Variants in LIPE observed in about 807,000 individuals in gnomAD.
The protein encoded by LIPE is hormone-sensitive lipase.
In LIPE, 66 loss-of-function variants were observed where a neutral mutation model predicts 88.5. The observed-to-expected ratio is 0.75, with a 90% CI of 0.61 to 0.91. LIPE has a LOEUF of 0.91. LIPE is among the 40% of genes least tolerant of loss of function. The probability of loss-of-function intolerance (pLI) is 0.00; values close to 1 mark genes in which losing one functional copy is unlikely to be tolerated. For synonymous variants in LIPE, 570 were observed against 617.5 expected, an observed-to-expected ratio of 0.92 and a Z score of 1.14; for missense variants, 1,346 against 1,434.7, an observed-to-expected ratio of 0.94 and a Z score of 1.00.
At position 42,407,379 on chromosome 19, in the gene LIPE, C is replaced by A. The variant is rs533046875; in HGVS notation, c.1932G>T (p.Arg644=). Residue 644 remains arginine, a synonymous_variant, in exon 6 of 10, where the codon CGG becomes CGT. Transcript: ENST00000244289. This position sits in a 1 kb window ranked among gnomAD's most constrained non-coding sequence, Gnocchi z 5.8. ...CGCCGTGGAAGTGCACTATCAGGGA[C>A]CGCGAGCGGGGTGCCTGCTGGGGGC... ...WPRPQQAPRS[R]SLIVHFHGGG... is the part of the protein sequence containing the mutation. 2.5e-6 allele frequency: 4 copies of A among 1,613,594 alleles called. No homozygotes were observed. The East Asian group carries it at 8.9e-5, about 36-fold the overall frequency.
At chr19:42,424,387 C>T (rs770791356) in intron 1 of LIPE, 3 of 456,402 alleles carry the variant, frequency 6.6e-6, no homozygotes. Context: ...CACACGCACA[C>T]AGCCAACTGC....
intron 1 of LIPE, chr19:42,411,506 G>A (rs2040374240): frequency 6.1e-6 from 1 of 164,370 alleles, no homozygotes; most frequent in Admixed American, 6.5e-5. Context: ...CAACATTTGG[G>A]AGAGTTCAGC....
In LIPE at chr19:42,408,179, TG is replaced by T. The variant is rs2040250591; in HGVS notation, c.1510+52del. The T allele has an allele frequency of 6.2e-7, 1 of 1,613,028 alleles. No homozygotes were observed. The highest frequency in any genetic ancestry group is 1.3e-5 in the African/African-American group (1 of 74,574). On this transcript the variant is annotated intron_variant, in intron 3 of 9. Transcript: ENST00000244289. The surrounding 1 kb of genome is among the most constrained non-coding windows in gnomAD (Gnocchi z 4.3). ...GTGGGTCAGGCTGCTTGGGCAGGAG[TG>T]GGGAGGAGGGCCAAGAGAGTAGGCT...
chr19:42,416,120 A>G (rs1038326334), intron 1 of LIPE, among the ~76,000 whole-genome samples: 3 of 152,154 alleles, frequency 2.0e-5, no homozygotes, highest in East Asian at 3.9e-4. Context: ...AGGCAGGTGG[A>G]TCACCTGAGG....
chr19:42,422,213 G>A (rs565912703), intron 1 of LIPE, among the ~76,000 whole-genome samples: 1 of 152,230 alleles, frequency 6.6e-6, no homozygotes, highest in South Asian at 2.1e-4. Context: ...TGTGCCAAAC[G>A]CTCTACATTC....
Position 42,401,790 on chromosome 19 carries a change from C to A in LIPE, c.*22G>T. ...GGAAGGCATTCATGACGGAGGCCGG[C>A]GCAGATGGGAACAACAGGCTTTTAG... is the stretch of plus-strand genomic sequence containing the variant. On this transcript the variant is annotated 3_prime_UTR_variant, in exon 10 of 10. Transcript: ENST00000244289. The A allele has an allele frequency of 1.4e-6, 2 of 1,438,152 alleles. No homozygotes were observed. The highest frequency in any genetic ancestry group is 1.8e-6 in the Non-Finnish European group (2 of 1,094,276). The allele number at this position is 1,438,152 out of a possible 1,614,324, so 89.1% of individuals were successfully genotyped here.
Position 42,402,095 on chromosome 19 carries a change from G to C in LIPE, c.2968-20C>G. 6.9e-7 allele frequency: 1 copy of C among 1,456,122 alleles called. No individual in the cohort carries two copies. The highest frequency in any genetic ancestry group is 9.1e-7 in the Non-Finnish European group (1 of 1,100,926). 90.2% of individuals were successfully genotyped at this position (1,456,122 alleles called of 1,614,324 possible). The stretch of plus-strand genomic sequence containing the variant: ...GCACGCCTACGGGACAGCGGGGAGG[G>C]ACGTGGAGAGAGGGTGGGGGACAGA... On this transcript the variant is annotated intron_variant, in intron 9 of 9. Coordinates refer to ENST00000244289, the MANE Select transcript of LIPE (RefSeq NM_005357.4).
At position 42,403,039 on chromosome 19, in the gene LIPE, A is replaced by T. The variant is rs761851762; in HGVS notation, c.2543-8T>A. The T allele has an allele frequency of 2.0e-6, 3 of 1,536,240 alleles. 1 individual carries two copies. The South Asian group carries it at 3.6e-5, about 19-fold the overall frequency. On this transcript the variant is annotated splice_region_variant and splice_polypyrimidine_tract_variant and intron_variant, in intron 8 of 9. Transcript: ENST00000244289. ...CACTGCGGCGCATCGGCTCTGAGAGAGGGAGAGCAGATAGGCCTGGCTCCG... is the reference window on the plus strand; with the variant it reads ...CACTGCGGCGCATCGGCTCTGAGAGTGGGAGAGCAGATAGGCCTGGCTCCG...
intron 7 of LIPE, 189 bp downstream of exon 7, chr19:42,405,972 T>TCACACA: frequency 1.8e-6 from 1 of 563,044 alleles, no homozygotes; most frequent in Non-Finnish European, 3.1e-6. Context: ...TCTCTCTCTC[T>TCACACA]CTCTCACACA....
Position 42,426,740 on chromosome 19 carries a change from G to C in LIPE, c.410C>G (p.Ala137Gly), listed in dbSNP as rs1460406557. ...QEPALRQRHV[A>G]QPGPGPGEPP... Reference sequence around the variant, plus strand: ...CTCTCCTGGCCCAGGCCCTGGCTGGGCTACATGTCTTTGTCTCAATGCTGG... The same window carrying C: ...CTCTCCTGGCCCAGGCCCTGGCTGGCCTACATGTCTTTGTCTCAATGCTGG... Residue 137 changes from alanine to glycine, a missense_variant, in exon 1 of 10, where the codon GCC becomes GGC. Ala to Gly is a moderately conservative substitution (Grantham distance 60, BLOSUM62 0). Transcript: ENST00000244289. The C allele has an allele frequency of 6.2e-7, 1 of 1,614,228 alleles. No homozygotes were observed. The highest frequency in any genetic ancestry group is 8.5e-7 in the Non-Finnish European group (1 of 1,180,044).
At chr19:42,405,695 C>A (rs553416582) in intron 7 of LIPE, 134 bp from the exon 8 acceptor site, 1 of 854,912 alleles carries the variant, frequency 1.2e-6, no homozygotes, top group Non-Finnish European at 1.8e-6. Context: ...GGAGGCTGGG[C>A]GCAGTGGCTC....
At chr19:42,425,426 T>C (rs2040689639) in intron 1 of LIPE, among the ~76,000 whole-genome samples, 1 of 152,148 alleles carries the variant, frequency 6.6e-6, no homozygotes, top group South Asian at 2.1e-4. Context: ...AGACCCCGGC[T>C]TCAAATCCTG....
rs2040357583 is a variant in LIPE at position 42,410,925 on chromosome 19, A to G, written c.884-83T>C. ...GGCCCAGGAGTCTGGGCCATAGCTT[A>G]CCCACTCCTCCTTCAAACCTCAGTG... On this transcript the variant is annotated intron_variant, in intron 1 of 9. Coordinates refer to ENST00000244289, the MANE Select transcript of LIPE (RefSeq NM_005357.4). The surrounding 1 kb of genome is among the most constrained non-coding windows in gnomAD (Gnocchi z 6.1). The G allele has an allele frequency of 1.2e-5, 16 of 1,327,430 alleles. No homozygotes were observed. Among genetic ancestry groups the G allele is most frequent in the Non-Finnish European group, 1.6e-5 (16 of 976,628 alleles). The allele number at this position is 1,327,430 out of a possible 1,614,324, so 82.2% of individuals were successfully genotyped here.
Position 42,426,933 on chromosome 19 carries a change from T to G in LIPE, c.217A>C (p.Lys73Gln), listed in dbSNP as rs1201678980. ...GATTTTTGTTGGGCTCTAGGTTCCT[T>G]CTGGGATTCAGCATCATGTTGTGCA... ...TPAQHDAESQ[K>Q]EPRAQQKSAS... is the part of the protein sequence containing the mutation. The change falls in exon 1 of 10, where the codon AAG (lysine) becomes CAG (glutamine). Residue 73 changes from lysine to glutamine, a missense_variant. Coordinates refer to ENST00000244289, the MANE Select transcript of LIPE (RefSeq NM_005357.4). The G allele has an allele frequency of 6.2e-7, 1 of 1,614,178 alleles. No individual in the cohort carries two copies. The highest frequency in any genetic ancestry group is 2.2e-5 in the East Asian group (1 of 44,878).
chr19:42,414,311 AGAAAG>A lies in LIPE; in HGVS notation c.884-3474_884-3470del, dbSNP rs961805951. On this transcript the variant is annotated intron_variant, in intron 1 of 9. Coordinates refer to ENST00000244289, the MANE Select transcript of LIPE (RefSeq NM_005357.4). This position sits in a 1 kb window ranked among gnomAD's most constrained non-coding sequence, Gnocchi z 4.6. ...GAAAGAAAGGAAAGGAAGGAAAGAAAGAAAGGAAAGAAGAAAAGAAAAGGAAAGAA... is the reference window on the plus strand; with the variant it reads ...GAAAGAAAGGAAAGGAAGGAAAGAAAGAAAGAAGAAAAGAAAAGGAAAGAA... Among the ~76,000 whole-genome samples, 3 of 152,170 alleles carry A rather than the reference AGAAAG, an allele frequency of 2.0e-5. No homozygotes were observed. Among genetic ancestry groups the A allele is most frequent in the Admixed American group, 2.0e-4 (3 of 15,272 alleles).
intron 1 of LIPE, among the ~76,000 whole-genome samples, chr19:42,413,840 A>G (rs145208021): frequency 6.6e-6 from 1 of 152,190 alleles, no homozygotes; most frequent in Non-Finnish European, 1.5e-5. Flanking sequence ...CAGTGGATAT[A>G]TGAAGCAGGA....
chr19:42,414,704 CTG>C lies in LIPE; in HGVS notation c.884-3864_884-3863del, dbSNP rs2040454045. On this transcript the variant is annotated intron_variant, in intron 1 of 9. Transcript: ENST00000244289. The surrounding 1 kb of genome is among the most constrained non-coding windows in gnomAD (Gnocchi z 4.6). ...GACAGCAGTTGCTCACTTTGTGTCT[CTG>C]TGTCACATTCTGGTAATTTTCACAG... Among the ~76,000 whole-genome samples, 1 of 152,258 alleles carries C rather than the reference CTG, an allele frequency of 6.6e-6. No individual in the cohort carries two copies. Among genetic ancestry groups the C allele is most frequent in the Non-Finnish European group, 1.5e-5 (1 of 68,054 alleles).
At position 42,403,241 on chromosome 19, in the gene LIPE, ATGTGTGTGTGTGTGTGTGTGTGTGTGTG is replaced by A. The variant is rs56983822; in HGVS notation, c.2543-238_2543-211del. Among the ~76,000 whole-genome samples, 22 of 92,002 alleles carry A rather than the reference ATGTGTGTGTGTGTGTGTGTGTGTGTGTG, an allele frequency of 2.4e-4. 1 individual carries two copies. Among genetic ancestry groups the A allele is most frequent in the African/African-American group, 8.5e-4 (22 of 25,856 alleles). 60.4% of individuals were successfully genotyped at this position (92,002 alleles called of 152,430 possible). A position where few individuals can be genotyped will look rare whatever the true frequency, so the allele number is the denominator to read the frequency against. ...GTGGGGCAGTGTGTTCTAGTGAAGG[ATGTGTGTGTGTGTGTGTGTGTGTGTGTG>A]TGTGTGTGTGTGTGTGTGTGTGTGA... On this transcript the variant is annotated intron_variant, in intron 8 of 9. Transcript: ENST00000244289.
intron 1 of LIPE, chr19:42,424,268 C>G: frequency 3.9e-6 from 2 of 509,838 alleles, no homozygotes; most frequent in Non-Finnish European, 7.2e-6. Flanking sequence ...CGGGCCGGCC[C>G]AAGAGCGGAG....
Sources: allele counts gnomAD v4.1 joint callset (sites outside exome capture counted in the v4.1 genomes callset), GRCh38; gene constraint gnomAD v4.1.1; non-coding constraint Gnocchi (gnomAD v3.1); transcripts MANE v1.5; gene names NCBI Gene and HGNC (gene_info 2026-07-23, HGNC 2026-07-21).